Variants in MAML2 observed in about 807,000 individuals in gnomAD.
The protein encoded by MAML2 is mastermind-like protein 2.
In MAML2, 22 loss-of-function variants were observed where a neutral mutation model predicts 96.1. The observed-to-expected ratio is 0.23, with a 90% CI of 0.16 to 0.33. The LOEUF (loss-of-function observed/expected upper bound fraction) is 0.33. MAML2 is among the 10% of genes least tolerant of loss of function. The pLI is 1.00. For synonymous variants in MAML2, 561 were observed against 521.3 expected (o/e 1.08, Z -1.04); for missense variants, 1,367 against 1,392.4 (o/e 0.98, Z 0.29).
chr11:96,001,923 A>G (rs1027316923), intron 2 of MAML2, among the ~76,000 whole-genome samples: 1 of 151,860 alleles, frequency 6.6e-6, no homozygotes, highest in Non-Finnish European at 1.5e-5. Context: ...CTCTTCTCCA[A>G]ATTTTTGTAA....
At position 96,328,977 on chromosome 11, in the gene MAML2, G is replaced by A. The variant is rs1334095783; in HGVS notation, c.513+12406C>T. On this transcript the variant is annotated intron_variant, in intron 1 of 4. Transcript: ENST00000524717. ...ATCCATCAATCTGCACTTTTCAATT[G>A]TTATGTATATATGAGAAATAGATAG... 2.6e-5 allele frequency among the ~76,000 whole-genome samples: 4 copies of A among 152,092 alleles called. No homozygotes were observed. The East Asian group carries it at 7.7e-4, about 29-fold the overall frequency.
At chr11:96,257,055 C>G (rs1226058951) in intron 1 of MAML2, among the ~76,000 whole-genome samples, 1 of 152,134 alleles carries the variant, frequency 6.6e-6, no homozygotes, top group African/African-American at 2.4e-5. Flanking sequence ...TCCAGCAGAC[C>G]AAAAATAGGC....
At chr11:96,086,277 G>A (rs918979158) in intron 2 of MAML2, among the ~76,000 whole-genome samples, 1 of 152,174 alleles carries the variant, frequency 6.6e-6, no homozygotes, top group African/African-American at 2.4e-5. Context: ...ATGAACGAAT[G>A]AAGGCAAGAA....
At chr11:96,032,607 G>A (rs868514363) in intron 2 of MAML2, among the ~76,000 whole-genome samples, 47 of 124,918 alleles carry the variant, frequency 3.8e-4, no homozygotes, top group Middle Eastern at 8.6e-3. Flanking sequence ...AAAAAAAAAA[G>A]TTATGTTTCC....
intron 2 of MAML2, among the ~76,000 whole-genome samples, chr11:96,074,195 T>C (rs1008055181): frequency 6.6e-6 from 1 of 152,236 alleles, no homozygotes; most frequent in Non-Finnish European, 1.5e-5. Flanking sequence ...TTTCATTGTA[T>C]TTTTAGGGAA....
chr11:95,987,668 T>C (rs985280098), intron 3 of MAML2, among the ~76,000 whole-genome samples: 2 of 152,198 alleles, frequency 1.3e-5, no homozygotes, highest in African/African-American at 4.8e-5. Flanking sequence ...CTTAGTAGAA[T>C]AAGTCTACTA....
chr11:96,321,683 G>T (rs995503069), intron 1 of MAML2, among the ~76,000 whole-genome samples: 1 of 152,140 alleles, frequency 6.6e-6, no homozygotes, highest in African/African-American at 2.4e-5. Flanking sequence ...GATTTTAAGG[G>T]CAAAACGATT....
chr11:96,316,589 A>G (rs910924144), intron 1 of MAML2, among the ~76,000 whole-genome samples: 2 of 152,196 alleles, frequency 1.3e-5, no homozygotes, highest in Non-Finnish European at 2.9e-5. Context: ...TGATCCACAC[A>G]CAACTTCTGT....
intron 2 of MAML2, among the ~76,000 whole-genome samples, chr11:96,014,377 A>C (rs1858311375): frequency 6.6e-6 from 1 of 152,194 alleles, no homozygotes; most frequent in Non-Finnish European, 1.5e-5. Flanking sequence ...TTGTTGACTC[A>C]CATTAATATC....
intron 1 of MAML2, among the ~76,000 whole-genome samples, chr11:96,261,320 T>C (rs1862745978): frequency 6.6e-6 from 1 of 151,914 alleles, no homozygotes; most frequent in African/African-American, 2.4e-5. Context: ...ATGCAGCCCC[T>C]CAACCTTGGA....
At chr11:96,328,559 C>T (rs1401108328) in intron 1 of MAML2, among the ~76,000 whole-genome samples, 1 of 152,052 alleles carries the variant, frequency 6.6e-6, no homozygotes, top group Non-Finnish European at 1.5e-5. Flanking sequence ...CCCCCAAGAT[C>T]GTACGAGTCA....
chr11:96,132,394 C>T, intron 1 of MAML2, among the ~76,000 whole-genome samples: 1 of 152,176 alleles, frequency 6.6e-6, no homozygotes, highest in South Asian at 2.1e-4. Context: ...CTAATTACCT[C>T]AGAACTAACC....
In MAML2 at chr11:96,093,218, C is replaced by G; in HGVS notation, c.813G>C (p.Glu271Asp). The change falls in exon 2 of 5, where the codon GAG (glutamate) becomes GAC (aspartate). Residue 271 changes from glutamate (E) to aspartate (D), a missense_variant. Coordinates refer to ENST00000524717, the MANE Select transcript of MAML2 (RefSeq NM_032427.4). ...CCATGTGCTTACTGCAAGACAGAGT[C>G]TCTCCTGGCTCCTTCTTTACCTCCT... ...GLKEVKKEPG[E>D]TLSCSKHMDG... 6.2e-7 allele frequency: 1 copy of G among 1,614,038 alleles called. No homozygotes were observed. The highest frequency in any genetic ancestry group is 1.1e-5 in the South Asian group (1 of 91,080).
chr11:96,323,438 G>A (rs1323502252), intron 1 of MAML2, among the ~76,000 whole-genome samples: 4 of 151,484 alleles, frequency 2.6e-5, no homozygotes, highest in Non-Finnish European at 4.4e-5. Context: ...GTTGCAGGTT[G>A]GCGAGGGAGT....
Position 96,246,028 on chromosome 11 carries a change from A to C in MAML2, c.513+95355T>G, listed in dbSNP as rs146339228. 8.3e-4 allele frequency among the ~76,000 whole-genome samples: 127 copies of C among 152,138 alleles called. 1 individual carries two copies. Among genetic ancestry groups the C allele is most frequent in the Middle Eastern group, 6.8e-3 (2 of 294 alleles). On this transcript the variant is annotated intron_variant, in intron 1 of 4. Coordinates refer to ENST00000524717, the MANE Select transcript of MAML2 (RefSeq NM_032427.4). ...GCTTAATTCTTTATATTTCACATTC[A>C]ACAAAAACGTGGAGGCTTATCATGT...
intron 2 of MAML2, among the ~76,000 whole-genome samples, chr11:96,060,255 A>G (rs1393503353): frequency 6.6e-6 from 1 of 152,254 alleles, no homozygotes; most frequent in Non-Finnish European, 1.5e-5. Flanking sequence ...AGTAGACAAA[A>G]CATGCAGTTA....
At chr11:96,037,625 C>T (rs1858739455) in intron 2 of MAML2, among the ~76,000 whole-genome samples, 1 of 152,128 alleles carries the variant, frequency 6.6e-6, no homozygotes, top group Admixed American at 6.5e-5. Flanking sequence ...ATAGAACAGG[C>T]CAATTCAGAG....
chr11:96,166,797 A>C (rs1164149977), intron 1 of MAML2, among the ~76,000 whole-genome samples: 1 of 152,246 alleles, frequency 6.6e-6, no homozygotes, highest in East Asian at 1.9e-4. Flanking sequence ...GAATAAAAAC[A>C]AGGTGACTCC....
At chr11:96,250,002 C>G (rs1408154082) in intron 1 of MAML2, among the ~76,000 whole-genome samples, 1 of 151,838 alleles carries the variant, frequency 6.6e-6, no homozygotes, top group Non-Finnish European at 1.5e-5. Flanking sequence ...CTGCTAGAGC[C>G]TCCCTGCAAT....
Sources: allele counts gnomAD v4.1 joint callset (sites outside exome capture counted in the v4.1 genomes callset), GRCh38; gene constraint gnomAD v4.1.1; transcripts MANE v1.5; gene names NCBI Gene and HGNC (gene_info 2026-07-23, HGNC 2026-07-21).